PARP10: variants seen among roughly 807,000 people sequenced by gnomAD.
PARP10 encodes poly(ADP-ribose) polymerase family member 10, also known as protein mono-ADP-ribosyltransferase PARP10.
PARP10 carries 56 observed loss-of-function variants against 82.4 expected under a neutral mutation model. The observed-to-expected ratio is 0.68, with a 90% confidence interval of 0.55 to 0.85. The LOEUF (loss-of-function observed/expected upper bound fraction) is 0.85, where lower values mean the gene tolerates loss of function less well. Ranked by LOEUF, PARP10 falls within the 40% of genes least tolerant of loss-of-function variation. The probability of loss-of-function intolerance (pLI) is 0.00; values close to 1 mark genes in which losing one functional copy is unlikely to be tolerated. For missense variants in PARP10, 1,227 were observed against 1,379.4 expected, an observed-to-expected ratio of 0.89 and a Z score of 1.75; for synonymous variants, 576 against 601.1, an observed-to-expected ratio of 0.96 and a Z score of 0.61.
chr8:144,009,995 C>T (rs1030345927), intron 1 of PARP10, among the ~76,000 whole-genome samples: 1 of 152,196 alleles, frequency 6.6e-6, no homozygotes, highest in Non-Finnish European at 1.5e-5. Flanking sequence ...TTCCCACATG[C>T]CCTTCCCTAA....
upstream of PARP10, chr8:143,992,520 T>C: frequency 6.2e-7 from 1 of 1,614,176 alleles, no homozygotes; most frequent in South Asian, 1.1e-5. Context: ...ATGGTGGTGC[T>C]CTTCATCTTC....
chr8:144,001,668 T>C (rs1564261010), intron 1 of PARP10, among the ~76,000 whole-genome samples: 1 of 151,746 alleles, frequency 6.6e-6, no homozygotes, highest in East Asian at 1.9e-4. Context: ...GTCACGCCAT[T>C]GCACACCAGC....
upstream of PARP10, chr8:143,991,133 C>T (rs1834085344): frequency 3.6e-6 from 3 of 836,730 alleles, no homozygotes; most frequent in Non-Finnish European, 3.7e-6. Context: ...GGTGGAGTTG[C>T]GCAGGGCTGG....
Position 143,984,994 on chromosome 8 carries a change from C to CT in PARP10, c.1007_1008insA (p.Thr337AspfsTer24). On this transcript the variant is annotated frameshift_variant, in exon 5 of 11. Transcript: ENST00000313028. LOFTEE classifies it high-confidence loss of function. ...GTCCCAGAGACCCCATGGGACCTGT[C>CT]CTCAGAGAGGTCCCTGACTGCCCTG... 6.2e-7 allele frequency: 1 copy of CT among 1,613,966 alleles called. No homozygotes were observed. The highest frequency in any genetic ancestry group is 8.5e-7 in the Non-Finnish European group (1 of 1,180,002).
chr8:144,006,687 G>T (rs561649743), intron 1 of PARP10, among the ~76,000 whole-genome samples: 1 of 152,304 alleles, frequency 6.6e-6, no homozygotes, highest in African/African-American at 2.4e-5. Flanking sequence ...GAGGTGATGA[G>T]GTCATGAGGG....
rs1554752206 is a variant in PARP10 at position 144,008,306 on chromosome 8, T to C, written c.-80+4224A>G. On this transcript the variant is annotated intron_variant, in intron 1 of 3. Coordinates refer to the PARP10 transcript ENST00000530478. The surrounding 1 kb of genome is among the most constrained non-coding windows in gnomAD (Gnocchi z 4.0). ...AGGCCCCCATTCTTCGGCAACTTTA[T>C]GCCTTGAAAAGACGGCTTCAGAAGG... 6.6e-6 allele frequency among the ~76,000 whole-genome samples: 1 copy of C among 152,208 alleles called. No individual in the cohort carries two copies. The highest frequency in any genetic ancestry group is 2.4e-5 in the African/African-American group (1 of 41,454).
rs1554749018 is a variant in PARP10 at position 143,985,303 on chromosome 8, C to T, written c.699G>A (p.Glu233=). ...WQVAERVLQQ[E]HRLQGSELSL... ...TCAGCTCTGAGCCCTGCAACCGGTG[C>T]TCCTGCTGCAACACTCGTTCTGCCA... is the stretch of plus-strand genomic sequence containing the variant. Residue 233 remains glutamate, a synonymous_variant, in exon 5 of 11, where the codon GAG becomes GAA. Coordinates refer to ENST00000313028, the MANE Select transcript of PARP10 (RefSeq NM_032789.5). 1 of 1,610,030 alleles carries T rather than the reference C, an allele frequency of 6.2e-7. No homozygotes were observed. Among genetic ancestry groups the T allele is most frequent in the African/African-American group, 1.3e-5 (1 of 74,812 alleles).
intron 1 of PARP10, among the ~76,000 whole-genome samples, chr8:144,005,504 A>G (rs1233558178): frequency 6.6e-6 from 1 of 152,094 alleles, no homozygotes; most frequent in African/African-American, 2.4e-5. Context: ...AAAAATCAGG[A>G]CAGTTCTTTG....
intron 9 of PARP10, among the ~76,000 whole-genome samples, chr8:143,979,953 A>G (rs1587448737): frequency 7.1e-6 from 1 of 140,412 alleles, no homozygotes; most frequent in East Asian, 2.2e-4. Context: ...CGGAGCTTGC[A>G]GTGAGCCGAC....
At chr8:143,980,274 T>C (rs1334203307) in intron 9 of PARP10, among the ~76,000 whole-genome samples, 2 of 126,428 alleles carry the variant, frequency 1.6e-5, no homozygotes, top group Non-Finnish European at 3.1e-5. Context: ...GAGCTGAGAT[T>C]GCACCACTGC....
chr8:143,984,281 C>G lies in PARP10; in HGVS notation c.1609G>C (p.Glu537Gln). 5 of 1,614,112 alleles carry G rather than the reference C, an allele frequency of 3.1e-6. No homozygotes were observed. The highest frequency in any genetic ancestry group is 4.2e-6 in the Non-Finnish European group (5 of 1,179,998). ...PEGQHLLQGLEAQFQCVFGTE... is the reference protein window; with the variant it reads ...PEGQHLLQGLQAQFQCVFGTE... ...CCAAAGACACACTGGAACTGAGCCT[C>G]CAGCCCCTGGAGAAGGTGCTGCCCT... is the stretch of plus-strand genomic sequence containing the variant. Residue 537 changes from glutamate (E) to glutamine (Q), a missense_variant, in exon 6 of 11, where the codon GAG (glutamate) becomes CAG (glutamine). Physicochemically the swap from Glu to Gln is conservative, Grantham distance 29 (BLOSUM62 2). Coordinates refer to ENST00000313028, the MANE Select transcript of PARP10 (RefSeq NM_032789.5).
chr8:143,977,451 G>T lies in PARP10; in HGVS notation c.*33C>A. 6.7e-7 allele frequency: 1 copy of T among 1,493,250 alleles called. No homozygotes were observed. 92.5% of individuals were successfully genotyped at this position (1,493,250 alleles called of 1,614,324 possible). A position where few individuals can be genotyped will look rare whatever the true frequency, so the allele number is the denominator to read the frequency against. On this transcript the variant is annotated 3_prime_UTR_variant, in exon 11 of 11. Coordinates refer to ENST00000313028, the MANE Select transcript of PARP10 (RefSeq NM_032789.5). ...TCAGCCTGTGCGGAGCTGGGAGCCT[G>T]GGAAGCAGGAGGCCAGAGGGTGGCC...
In PARP10 at chr8:143,986,119, C is replaced by G; in HGVS notation, c.117G>C (p.Gly39=). The G allele has an allele frequency of 6.2e-7, 1 of 1,614,144 alleles. No homozygotes were observed. Among genetic ancestry groups the G allele is most frequent in the Non-Finnish European group, 8.5e-7 (1 of 1,180,018 alleles). Residue 39 remains glycine (G), a synonymous_variant, in exon 2 of 11, where the codon GGG becomes GGC. Coordinates refer to ENST00000313028, the MANE Select transcript of PARP10 (RefSeq NM_032789.5). ...LYFENRRRSG[G]GPVLSWQRLG... is the part of the protein sequence containing the mutation. The stretch of plus-strand genomic sequence containing the variant: ...GTCTCTGCCAGCTCAACACAGGTCC[C>G]CCTCCAGAGCGTCGGCGGTTTTCAA...
At position 143,984,568 on chromosome 8, in the gene PARP10, T is replaced by C; in HGVS notation, c.1434A>G (p.Glu478=). ...GLGDVALLPL[E]GPDMTGFRLC... is the part of the protein sequence containing the mutation. ...CCCGAAAGCCAGTCATATCCGGTCC[T>C]TCAAGTGGCAAGAGAGCGACGTCTC... The change falls in exon 5 of 11, where the codon GAA becomes GAG. Residue 478 remains glutamate, a synonymous_variant. Coordinates refer to ENST00000313028, the MANE Select transcript of PARP10 (RefSeq NM_032789.5). 6.2e-7 allele frequency: 1 copy of C among 1,612,902 alleles called. No individual in the cohort carries two copies.
Position 143,986,207 on chromosome 8 carries a change from C to T in PARP10, c.29G>A (p.Gly10Glu), listed in dbSNP as rs782521588. 4 of 1,614,022 alleles carry T rather than the reference C, an allele frequency of 2.5e-6. No individual in the cohort carries two copies. The highest frequency in any genetic ancestry group is 3.4e-6 in the Non-Finnish European group (4 of 1,179,954). MVAMAEAEA[G>E]VAVEVRGLPP... is the part of the protein sequence containing the mutation. ...CAGTCCACGGACCTCCACTGCCACC[C>T]CTGCCTCTGCCTCCGCCATTGCAAC... The change falls in exon 2 of 11, where the codon GGG becomes GAG. Residue 10 changes from glycine (G) to glutamate (E), a missense_variant. Transcript: ENST00000313028.
At position 143,985,957 on chromosome 8, in the gene PARP10, G is replaced by A. The variant is rs1554749257; in HGVS notation, c.200C>T (p.Ala67Val). 6.3e-7 allele frequency: 1 copy of A among 1,587,206 alleles called. No homozygotes were observed. The highest frequency in any genetic ancestry group is 8.6e-7 in the Non-Finnish European group (1 of 1,162,884). The change falls in exon 3 of 11, where the codon GCC becomes GTC. Residue 67 changes from alanine (A) to valine (V), a missense_variant. Coordinates refer to ENST00000313028, the MANE Select transcript of PARP10 (RefSeq NM_032789.5). ...REPADAERVL[A>V]QADHELHGAQ... Reference sequence around the variant, plus strand: ...ACCATGTAGTTCGTGATCTGCCTGGGCCAAGACCCTCTCGGCGTCTGTGGG... The same window carrying A: ...ACCATGTAGTTCGTGATCTGCCTGGACCAAGACCCTCTCGGCGTCTGTGGG...
At chr8:143,992,844 G>A (rs375450141), upstream of PARP10, 563 of 1,612,404 alleles carry the variant, frequency 3.5e-4, no homozygotes, top group Non-Finnish European at 4.5e-4. Context: ...AGGAGTAGCC[G>A]AGCTCCAGCT....
At chr8:143,994,921 A>T (rs927916724), upstream of PARP10, among the ~76,000 whole-genome samples, 2 of 151,594 alleles carry the variant, frequency 1.3e-5, no homozygotes, top group Non-Finnish European at 2.9e-5. Context: ...AGGAGAATAA[A>T]GTGTTTATGT....
intron 9 of PARP10, among the ~76,000 whole-genome samples, chr8:143,980,987 C>T (rs935762295): frequency 6.6e-6 from 1 of 151,918 alleles, no homozygotes; most frequent in Admixed American, 6.6e-5. Flanking sequence ...GAGAGAGAAG[C>T]GAGGCCCATT....
Sources: allele counts gnomAD v4.1 joint callset (sites outside exome capture counted in the v4.1 genomes callset), GRCh38; gene constraint gnomAD v4.1.1; non-coding constraint Gnocchi (gnomAD v3.1); transcripts MANE v1.5; gene names NCBI Gene and HGNC (gene_info 2026-07-23, HGNC 2026-07-21).